The following SYK variants were observed in gnomAD, a reference collection of about 807,000 sequenced individuals.
SYK encodes spleen associated tyrosine kinase.
Under a neutral mutation model 77.8 loss-of-function variants are expected in SYK, and 16 were observed. The ratio of observed to expected loss-of-function variants is 0.21; its 90% CI spans 0.14 to 0.31. The LOEUF is 0.31. Among genes scored for constraint, SYK ranks in the 10% least tolerant of loss-of-function variants. The pLI is 1.00. For missense variants in SYK, 529 were observed against 814.4 expected, an observed-to-expected ratio of 0.65 and a Z score of 4.26; for synonymous variants, 312 against 308.7, an observed-to-expected ratio of 1.01 and a Z score of -0.11.
chr9:90,813,753 G>T (rs1825183880), intron 1 of SYK, among the ~76,000 whole-genome samples: 1 of 152,162 alleles, frequency 6.6e-6, no homozygotes, highest in Admixed American at 6.5e-5. Flanking sequence ...CAAGCAAAAA[G>T]ATTTTATAAG....
chr9:90,893,338 G>A (rs1226446784), intron 13 of SYK, among the ~76,000 whole-genome samples: 2 of 152,118 alleles, frequency 1.3e-5, no homozygotes, highest in Non-Finnish European at 2.9e-5. Context: ...TCTAGAATGT[G>A]GTGGATTCAA....
intron 1 of SYK, among the ~76,000 whole-genome samples, chr9:90,842,170 T>G (rs897099423): frequency 2.0e-5 from 3 of 150,256 alleles, no homozygotes; most frequent in Non-Finnish European, 4.5e-5. Flanking sequence ...TGTAGTGTGT[T>G]GTGTGTGTGG....
At chr9:90,883,690 A>G (rs1828246513) in intron 11 of SYK, among the ~76,000 whole-genome samples, 1 of 152,082 alleles carries the variant, frequency 6.6e-6, no homozygotes, top group South Asian at 2.1e-4. Flanking sequence ...CTTGAGCATG[A>G]CATCCTGTTG....
rs545085606 is a variant in SYK, at chr9:90,857,183, C to T, written c.579-5023C>T. ...GAGGAATGAGACTGTGTTAGGCTGT[C>T]ACGAGCCTCCTTTGCCACAACAAAA... On this transcript the variant is annotated intron_variant, in intron 3 of 13. Transcript: ENST00000375754. Among the ~76,000 whole-genome samples the T allele has an allele frequency of 1.7e-4, 26 of 152,366 alleles. 1 individual carries two copies. The highest frequency in any genetic ancestry group is 6.3e-4 in the African/African-American group (26 of 41,584).
intron 3 of SYK, among the ~76,000 whole-genome samples, chr9:90,852,394 C>A (rs1039087594): frequency 8.5e-5 from 13 of 152,222 alleles, no homozygotes. Context: ...CCATTGTGCA[C>A]AGCCAATTCT....
At chr9:90,845,628 A>G (rs1213367627) in intron 3 of SYK, 34 bp downstream of exon 3, 12 of 1,606,210 alleles carry the variant, frequency 7.5e-6, no homozygotes, top group Non-Finnish European at 9.4e-6. Flanking sequence ...ACCTCCTGCC[A>G]CCAGGCCTGT....
At chr9:90,826,263 C>T (rs1300751691) in intron 1 of SYK, among the ~76,000 whole-genome samples, 3 of 152,252 alleles carry the variant, frequency 2.0e-5, no homozygotes, top group Non-Finnish European at 4.4e-5. Flanking sequence ...CCTCCTGAGG[C>T]TCGATGACCA....
chr9:90,810,179 A>G lies in SYK; in HGVS notation c.-42+8286A>G, dbSNP rs535137071. ...CATACTGAACGGCTTGAACAGCCCA[A>G]TGTGTCGCCTCCCAACTCTGAGCCA... On this transcript the variant is annotated intron_variant, in intron 1 of 13. Transcript: ENST00000375754. Among the ~76,000 whole-genome samples, 13 of 152,296 alleles carry G rather than the reference A, an allele frequency of 8.5e-5. No individual in the cohort carries two copies. The South Asian group carries it at 2.1e-3, about 24-fold the overall frequency.
chr9:90,840,575 A>AAAT (rs1478854593), intron 1 of SYK, among the ~76,000 whole-genome samples: 3 of 151,052 alleles, frequency 2.0e-5, no homozygotes, highest in Non-Finnish European at 2.9e-5. Flanking sequence ...AAAAAAAAAA[A>AAAT]ACTGTAGAAA....
At chr9:90,817,862 TGTGTGTGTGTGTGTGTGTGTGAGAGAGA>T (rs1428996499) in intron 1 of SYK, among the ~76,000 whole-genome samples, 1,614 of 65,174 alleles carry the variant, frequency 0.025, 37 homozygotes, top group African/African-American at 0.072. Flanking sequence ...TGTGTGTGTG[TGTGTGTGTGTGTGTGTGTGTGAGAGAGA>T]GAGAGAGAGA....
At chr9:90,844,752 C>A (rs144521708) in intron 2 of SYK, among the ~76,000 whole-genome samples, 1 of 152,310 alleles carries the variant, frequency 6.6e-6, no homozygotes, top group African/African-American at 2.4e-5. Context: ...TATCTGGTAT[C>A]ACCTGCTATG....
rs1190494892 is a variant in SYK at position 90,862,149 on chromosome 9, G to A, written c.579-57G>A. On this transcript the variant is annotated intron_variant, in intron 3 of 13. Transcript: ENST00000375754. ...TTCAGGCCAGGGTGCTTCCTCCCAG[G>A]GTCCCACCTGGAGACTGGCGGGCCT... is the stretch of plus-strand genomic sequence containing the variant. The A allele has an allele frequency of 6.5e-6, 10 of 1,539,594 alleles. No individual in the cohort carries two copies. The African/African-American group carries it at 1.4e-4, about 21-fold the overall frequency.
At position 90,884,378 on chromosome 9, in the gene SYK, C is replaced by CGTGTATATATGCATACATACACATAT. The variant is rs1828340711; in HGVS notation, c.1582-3360_1582-3335dup. Reference sequence around the variant, plus strand: ...ACGTGTATACATACATACACACATACGTGTATATATGCATACATACACATA... The same window carrying CGTGTATATATGCATACATACACATAT: ...ACGTGTATACATACATACACACATACGTGTATATATGCATACATACACATATGTGTATATATGCATACATACACATA... On this transcript the variant is annotated intron_variant, in intron 11 of 13. Transcript: ENST00000375754. Among the ~76,000 whole-genome samples the CGTGTATATATGCATACATACACATAT allele has an allele frequency of 1.4e-5, 2 of 142,414 alleles. 1 individual carries two copies. Among genetic ancestry groups the CGTGTATATATGCATACATACACATAT allele is most frequent in the Non-Finnish European group, 3.1e-5 (2 of 65,016 alleles). 93.4% of individuals were successfully genotyped at this position (142,414 alleles called of 152,430 possible).
chr9:90,861,333 C>T (rs10993731), intron 3 of SYK, among the ~76,000 whole-genome samples: 2,371 of 152,274 alleles, frequency 0.016, 32 homozygotes, highest in Non-Finnish European at 0.026. Flanking sequence ...TTCTGAGGGT[C>T]GCCCAGCATT....
At position 90,896,572 on chromosome 9, in the gene SYK, A is replaced by G. The variant is rs158688; in HGVS notation, c.*972A>G. Reference sequence around the variant, plus strand: ...ATCAAAGCCATCTAAAGAGTTTCCAAAGAAAGTATTAATTCAGAACAAGCC... The same window carrying G: ...ATCAAAGCCATCTAAAGAGTTTCCAGAGAAAGTATTAATTCAGAACAAGCC... On this transcript the variant is annotated 3_prime_UTR_variant, in exon 14 of 14. Coordinates refer to ENST00000375754, the MANE Select transcript of SYK (RefSeq NM_003177.7). The G allele has an allele frequency of 0.32, 73,939 of 232,594 alleles. 12,019 individuals are homozygous for G. The highest frequency in any genetic ancestry group is 0.39 in the Admixed American group (6,986 of 17,760). 14.4% of individuals were successfully genotyped at this position (232,594 alleles called of 1,614,324 possible).
rs1435745481 is a variant in SYK at position 90,822,629 on chromosome 9, T to C, written c.-42+20736T>C. ...GGAGATAGGTGATGATTTAGTATAG[T>C]GCACATCCACCAGGCGGTCCTCCTG... On this transcript the variant is annotated intron_variant, in intron 1 of 13. Coordinates refer to ENST00000375754, the MANE Select transcript of SYK (RefSeq NM_003177.7). 3.3e-5 allele frequency among the ~76,000 whole-genome samples: 5 copies of C among 152,226 alleles called. No homozygotes were observed. In the South Asian group the frequency reaches 8.3e-4, roughly 25 times the overall value.
At chr9:90,877,536 G>A in intron 9 of SYK, 35 bp from the exon 10 acceptor site, 4 of 1,609,786 alleles carry the variant, frequency 2.5e-6, no homozygotes, top group Non-Finnish European at 3.4e-6. Flanking sequence ...GAGGCATTTT[G>A]GAAAGTTTCT....
At position 90,874,911 on chromosome 9, in the gene SYK, G is replaced by A. The variant is rs1587898574; in HGVS notation, c.1181+62G>A. 28 of 1,570,186 alleles carry A rather than the reference G, an allele frequency of 1.8e-5. No individual in the cohort carries two copies. In the East Asian group the frequency reaches 6.3e-4, roughly 35 times the overall value. ...GAGCTCAGGTTCTAGACATGACTGA[G>A]AATAACAAAATGTAACCTGGCATGA... On this transcript the variant is annotated intron_variant, in intron 9 of 13. Transcript: ENST00000375754.
chr9:90,881,862 A>G (rs1828171583), intron 11 of SYK, among the ~76,000 whole-genome samples: 1 of 152,116 alleles, frequency 6.6e-6, no homozygotes, highest in Non-Finnish European at 1.5e-5. Flanking sequence ...CACATCTGGT[A>G]ATGTGCACTC....
Sources: allele counts gnomAD v4.1 joint callset (sites outside exome capture counted in the v4.1 genomes callset), GRCh38; gene constraint gnomAD v4.1.1; transcripts MANE v1.5; gene names NCBI Gene and HGNC (gene_info 2026-07-23, HGNC 2026-07-21).